KCNH7: variants seen among roughly 807,000 people sequenced by gnomAD.
The protein encoded by KCNH7 is potassium voltage-gated channel subfamily H member 7.
Under a neutral mutation model 120.8 loss-of-function variants are expected in KCNH7, and 49 were observed. The ratio of observed to expected loss-of-function variants is 0.41; its 90% CI spans 0.32 to 0.51. The LOEUF (loss-of-function observed/expected upper bound fraction) is 0.51, where lower values mean the gene tolerates loss of function less well. KCNH7 is among the 20% of genes least tolerant of loss of function. KCNH7 has a pLI of 0.38. For synonymous variants in KCNH7, 547 were observed against 516.1 expected (o/e 1.06, Z -0.81); for missense variants, 1,097 against 1,446.6 (o/e 0.76, Z 3.92).
At chr2:162,626,031 A>G (rs1395432338) in intron 2 of KCNH7, among the ~76,000 whole-genome samples, 2 of 152,124 alleles carry the variant, frequency 1.3e-5, no homozygotes, top group African/African-American at 4.8e-5. Context: ...TTATGGTTCA[A>G]CTTTGGCTAT....
At chr2:162,679,220 C>T (rs545603161) in intron 2 of KCNH7, among the ~76,000 whole-genome samples, 22 of 151,634 alleles carry the variant, frequency 1.5e-4, no homozygotes, top group African/African-American at 4.6e-4. Context: ...CTCAGAACAG[C>T]AATCTTGCTT....
chr2:162,674,096 A>G (rs138213686), intron 2 of KCNH7, among the ~76,000 whole-genome samples: 21 of 151,976 alleles, frequency 1.4e-4, no homozygotes, highest in African/African-American at 4.1e-4. Context: ...AAAAAGAAGA[A>G]TTTGCAGATG....
intron 6 of KCNH7, among the ~76,000 whole-genome samples, chr2:162,448,300 C>A (rs1045476450): frequency 6.6e-6 from 1 of 151,978 alleles, no homozygotes; most frequent in African/African-American, 2.4e-5. Context: ...ATGTCATGTT[C>A]CTTTCTAGAA....
At chr2:162,694,790 C>T (rs1300620241) in intron 2 of KCNH7, among the ~76,000 whole-genome samples, 1 of 151,640 alleles carries the variant, frequency 6.6e-6, no homozygotes, top group Non-Finnish European at 1.5e-5. Flanking sequence ...GTTGGCCAGG[C>T]TGGAGTGCAG....
intron 2 of KCNH7, among the ~76,000 whole-genome samples, chr2:162,751,096 A>G (rs1688525717): frequency 6.6e-6 from 1 of 151,944 alleles, no homozygotes; most frequent in Non-Finnish European, 1.5e-5. Context: ...ATAGGAGTCC[A>G]TTGGTGTGAT....
intron 2 of KCNH7, among the ~76,000 whole-genome samples, chr2:162,835,785 A>T (rs182304957): frequency 1.3e-5 from 2 of 152,248 alleles, no homozygotes; most frequent in African/African-American, 4.8e-5. Context: ...GAGAACTATT[A>T]TGTCTAACTC....
chr2:162,615,358 G>A (rs1420957201), intron 2 of KCNH7, among the ~76,000 whole-genome samples: 1 of 152,138 alleles, frequency 6.6e-6, no homozygotes, highest in African/African-American at 2.4e-5. Context: ...TATGTCCATT[G>A]TAAATAAATA....
intron 2 of KCNH7, among the ~76,000 whole-genome samples, chr2:162,712,427 C>A (rs1475485978): frequency 6.6e-6 from 1 of 152,126 alleles, no homozygotes; most frequent in Non-Finnish European, 1.5e-5. Flanking sequence ...TACTCTGAAA[C>A]CCCTTCCACT....
chr2:162,806,799 TTTTTTG>T (rs1208378712), intron 2 of KCNH7, among the ~76,000 whole-genome samples: 2 of 152,116 alleles, frequency 1.3e-5, no homozygotes, highest in South Asian at 2.1e-4. Context: ...GGAGTAGTGA[TTTTTTG>T]TTTTTGTTTT....
intron 12 of KCNH7, among the ~76,000 whole-genome samples, chr2:162,390,735 G>A (rs1686720187): frequency 6.6e-6 from 1 of 151,654 alleles, no homozygotes; most frequent in South Asian, 2.1e-4. Flanking sequence ...AAAAATACAA[G>A]GTGCTCTCAA....
Position 162,837,985 on chromosome 2 carries a change from C to A in KCNH7, c.76+458G>T, listed in dbSNP as rs147676729. On this transcript the variant is annotated intron_variant, in intron 1 of 15. Transcript: ENST00000332142. Reference sequence around the variant, plus strand: ...TAGCAAGCAAGCATCCGTGTCATACCACTGCTTTGCAGTTTAACCAAGGTA... The same window carrying A: ...TAGCAAGCAAGCATCCGTGTCATACAACTGCTTTGCAGTTTAACCAAGGTA... Among the ~76,000 whole-genome samples the A allele has an allele frequency of 1.6e-3, 242 of 152,276 alleles. 1 individual carries two copies. The highest frequency in any genetic ancestry group is 7.5e-3 in the East Asian group (39 of 5,174).
intron 2 of KCNH7, among the ~76,000 whole-genome samples, chr2:162,687,308 CAAGA>C (rs1462852181): frequency 6.6e-6 from 1 of 152,026 alleles, no homozygotes; most frequent in Non-Finnish European, 1.5e-5. Flanking sequence ...CACTGGCTCT[CAAGA>C]AAGAATTTTC....
chr2:162,558,921 G>A (rs578055629), intron 2 of KCNH7, among the ~76,000 whole-genome samples: 8 of 151,598 alleles, frequency 5.3e-5, no homozygotes, highest in African/African-American at 9.7e-5. Context: ...CGGGCGTTGT[G>A]GCAGGCGCCT....
rs187472485 is a variant in KCNH7 at position 162,820,358 on chromosome 2, G to T, written c.307+16179C>A. ...CCAAAACTGCTGGGATTACAGGCGT[G>T]AGCCACCACGCACAGCCTATTCCAT... On this transcript the variant is annotated intron_variant, in intron 2 of 15. Coordinates refer to ENST00000332142, the MANE Select transcript of KCNH7 (RefSeq NM_033272.4). Among the ~76,000 whole-genome samples, 3 of 151,928 alleles carry T rather than the reference G, an allele frequency of 2.0e-5. No individual in the cohort carries two copies. In the East Asian group the frequency reaches 5.8e-4, roughly 29 times the overall value.
At chr2:162,821,571 G>T (rs978399345) in intron 2 of KCNH7, among the ~76,000 whole-genome samples, 1 of 152,288 alleles carries the variant, frequency 6.6e-6, no homozygotes, top group East Asian at 1.9e-4. Context: ...AAAAATGTCA[G>T]ATATAGTTTG....
intron 3 of KCNH7, among the ~76,000 whole-genome samples, chr2:162,536,461 G>A (rs1016125526): frequency 6.6e-6 from 1 of 151,910 alleles, no homozygotes; most frequent in Admixed American, 6.6e-5. Context: ...TTGGGGAAAA[G>A]GGCTAATTCA....
At chr2:162,454,443 T>G (rs991090303) in intron 6 of KCNH7, among the ~76,000 whole-genome samples, 4 of 152,226 alleles carry the variant, frequency 2.6e-5, no homozygotes, top group African/African-American at 7.2e-5. Context: ...AGCTCTTTTT[T>G]GATTCCATAT....
intron 2 of KCNH7, among the ~76,000 whole-genome samples, chr2:162,753,343 A>G (rs533108704): frequency 6.6e-6 from 1 of 152,142 alleles, no homozygotes; most frequent in South Asian, 2.1e-4. Flanking sequence ...GGACACATAC[A>G]CAATTTTGTC....
chr2:162,392,350 T>C (rs890714916), intron 12 of KCNH7, among the ~76,000 whole-genome samples: 1 of 151,746 alleles, frequency 6.6e-6, no homozygotes, highest in Non-Finnish European at 1.5e-5. Flanking sequence ...TAAGGGAATA[T>C]TATAAGGAAA....
Sources: gnomAD v4.1 joint callset for allele counts (sites outside exome capture counted in the v4.1 genomes callset) on GRCh38, gnomAD v4.1.1 for gene constraint, MANE v1.5 for transcripts, NCBI Gene and HGNC (gene_info 2026-07-23, HGNC 2026-07-21) for gene names.